Variants in ITPR1 observed in about 807,000 individuals in gnomAD.
The protein encoded by ITPR1 is inositol 1,4,5-trisphosphate-gated calcium channel ITPR1.
A neutral mutation model predicts 318.4 loss-of-function variants in ITPR1; 96 were observed. The observed-to-expected ratio is 0.30, with a 90% CI of 0.26 to 0.36. The LOEUF is 0.36. Among genes scored for constraint, ITPR1 ranks in the 10% least tolerant of loss-of-function variants. ITPR1 has a pLI of 1.00. For missense variants in ITPR1, 2,440 were observed against 3,460.2 expected (o/e 0.71, Z 7.40); for synonymous variants, 1,312 against 1,289.9 (o/e 1.02, Z -0.37).
Position 4,691,409 on chromosome 3 carries a change from T to A in ITPR1, c.4029+65T>A, listed in dbSNP as rs116265493. ...CTGTAGAAATTTTAAAATTATTTAATCTTATCTGTATGAACTTGCACCCTC... is the reference window on the plus strand; with the variant it reads ...CTGTAGAAATTTTAAAATTATTTAAACTTATCTGTATGAACTTGCACCCTC... On this transcript the variant is annotated intron_variant, in intron 32 of 61. Coordinates refer to ENST00000649015, the MANE Select transcript of ITPR1 (RefSeq NM_001378452.1). The A allele has an allele frequency of 4.5e-4, 526 of 1,173,854 alleles. 1 individual carries two copies. In the African/African-American group the frequency reaches 6.1e-3, roughly 14 times the overall value. The allele number at this position is 1,173,854 out of a possible 1,614,324, so 72.7% of individuals were successfully genotyped here.
chr3:4,790,003 T>A (rs2047452868), intron 52 of ITPR1, among the ~76,000 whole-genome samples: 1 of 152,226 alleles, frequency 6.6e-6, no homozygotes, highest in African/African-American at 2.4e-5. Context: ...ATGAAATTGG[T>A]CAGACACATA....
rs146950617 is a variant in ITPR1, at chr3:4,535,056, C to T, written c.163+13962C>T. ...TTTCTAAAATTAGTGTTCTCTAGTA[C>T]ATAAACCAGTAGGAACAGAGTATTT... On this transcript the variant is annotated intron_variant, in intron 4 of 61. Coordinates refer to ENST00000649015, the MANE Select transcript of ITPR1 (RefSeq NM_001378452.1). Among the ~76,000 whole-genome samples the T allele has an allele frequency of 3.7e-4, 56 of 150,570 alleles. No individual in the cohort carries two copies. The East Asian group carries it at 0.011, about 28-fold the overall frequency.
At chr3:4,836,630 C>A in intron 60 of ITPR1, 144 bp from the exon 61 acceptor site, 1 of 776,366 alleles carries the variant, frequency 1.3e-6, no homozygotes, top group Non-Finnish European at 1.8e-6. Flanking sequence ...TAAAAAAATA[C>A]ACAGCACATA....
intron 58 of ITPR1, 42 bp downstream of exon 58, chr3:4,814,604 T>TTGGGGGGGCATGGGGGGGGGGGG: frequency 2.4e-6 from 1 of 420,670 alleles, no homozygotes; most frequent in Non-Finnish European, 4.2e-6. Flanking sequence ...AGGGGGCGGG[T>TTGGGGGGGCATGGGGGGGGGGGG]GGGGTGGTTG....
intron 4 of ITPR1, among the ~76,000 whole-genome samples, chr3:4,547,366 T>C (rs1193761451): frequency 6.6e-6 from 1 of 152,220 alleles, no homozygotes; most frequent in African/African-American, 2.4e-5. Context: ...TTACCATTCA[T>C]GGAAAGCTGT....
chr3:4,723,716 G>C (rs1359262042), intron 40 of ITPR1, among the ~76,000 whole-genome samples: 1 of 151,588 alleles, frequency 6.6e-6, no homozygotes, highest in Admixed American at 6.6e-5. Flanking sequence ...TGGCAAAGGG[G>C]TAAGAGGGTA....
At position 4,836,866 on chromosome 3, in the gene ITPR1, G is replaced by A. The variant is rs1159367918; in HGVS notation, c.8121G>A (p.Gln2707=). Residue 2707 remains glutamine (Q), a synonymous_variant, in exon 61 of 62, where the codon CAG becomes CAA. Coordinates refer to ENST00000649015, the MANE Select transcript of ITPR1 (RefSeq NM_001378452.1). ...AACAGAATGAGCTGAGAAACCTGCAGGAGAAGCTGGAGTCCACCATGAAAC... is the reference window on the plus strand; with the variant it reads ...AACAGAATGAGCTGAGAAACCTGCAAGAGAAGCTGGAGTCCACCATGAAAC... ...EGEQNELRNL[Q]EKLESTMKLV... 3.1e-6 allele frequency: 5 copies of A among 1,596,382 alleles called. No individual in the cohort carries two copies. The Admixed American group carries it at 6.7e-5, about 21-fold the overall frequency.
chr3:4,679,853 A>G (rs1559679110), intron 24 of ITPR1, among the ~76,000 whole-genome samples: 2 of 152,178 alleles, frequency 1.3e-5, no homozygotes, highest in East Asian at 1.9e-4. Context: ...CCAGAGACCT[A>G]TCTCCCTCTG....
intron 10 of ITPR1, 135 bp downstream of exon 10, chr3:4,645,863 T>TAC (rs767831685): frequency 1.5e-5 from 11 of 749,390 alleles, no homozygotes; most frequent in Non-Finnish European, 2.0e-5. Flanking sequence ...TACACACACC[T>TAC]ACACACACAC....
At chr3:4,628,668 A>G (rs2092918054) in intron 5 of ITPR1, among the ~76,000 whole-genome samples, 1 of 152,132 alleles carries the variant, frequency 6.6e-6, no homozygotes, top group African/African-American at 2.4e-5. Flanking sequence ...TATTTTGGTT[A>G]CTGGCTGCCT....
At chr3:4,628,701 C>G (rs1388785633) in intron 5 of ITPR1, among the ~76,000 whole-genome samples, 5 of 152,202 alleles carry the variant, frequency 3.3e-5, no homozygotes, top group Admixed American at 2.0e-4. Flanking sequence ...ATGTGAGTTT[C>G]TTGAGGGCCC....
At chr3:4,792,992 T>A (rs948674880) in intron 52 of ITPR1, among the ~76,000 whole-genome samples, 1 of 152,028 alleles carries the variant, frequency 6.6e-6, no homozygotes, top group Non-Finnish European at 1.5e-5. Flanking sequence ...GCAGAGTATA[T>A]GGGGAAGGGG....
At chr3:4,842,429 A>T (rs1175159501) in intron 61 of ITPR1, among the ~76,000 whole-genome samples, 3 of 152,122 alleles carry the variant, frequency 2.0e-5, no homozygotes, top group Admixed American at 2.0e-4. Flanking sequence ...GTGCAGTGGC[A>T]CGATCTCAGC....
chr3:4,675,392 T>G, intron 23 of ITPR1, 144 bp downstream of exon 23: 1 of 621,452 alleles, frequency 1.6e-6, no homozygotes, highest in South Asian at 2.4e-5. Context: ...TCAAATACTG[T>G]GTAAAGAAAA....
intron 54 of ITPR1, among the ~76,000 whole-genome samples, chr3:4,801,212 G>T (rs2048209483): frequency 1.3e-5 from 2 of 152,168 alleles, no homozygotes; most frequent in South Asian, 4.1e-4. Context: ...CCTTGTGAAG[G>T]GAAGGAGAAA....
chr3:4,792,987 G>A (rs894141805), intron 52 of ITPR1, among the ~76,000 whole-genome samples: 1 of 152,178 alleles, frequency 6.6e-6, no homozygotes, highest in African/African-American at 2.4e-5. Context: ...CAAAGGCAGA[G>A]TATATGGGGA....
intron 55 of ITPR1, among the ~76,000 whole-genome samples, chr3:4,809,834 G>A (rs1334835943): frequency 6.6e-6 from 1 of 152,168 alleles, no homozygotes. Context: ...GCGCTTACTT[G>A]CCACTTTATA....
chr3:4,700,001 A>G (rs2094620503), intron 35 of ITPR1, 60 bp downstream of exon 35: 13 of 1,538,356 alleles, frequency 8.5e-6, no homozygotes, highest in Non-Finnish European at 1.2e-5. Context: ...GTTGGGCTTG[A>G]TGTGAATTTG....
chr3:4,835,803 G>A (rs1313489351), intron 60 of ITPR1, among the ~76,000 whole-genome samples: 10 of 152,294 alleles, frequency 6.6e-5, no homozygotes, highest in Admixed American at 3.9e-4. Flanking sequence ...AAGTGAGGTG[G>A]GAGGAGGAGT....
Sources: gnomAD v4.1 joint callset for allele counts (sites outside exome capture counted in the v4.1 genomes callset) on GRCh38, gnomAD v4.1.1 for gene constraint, MANE v1.5 for transcripts, NCBI Gene and HGNC (gene_info 2026-07-23, HGNC 2026-07-21) for gene names.